CTNNA3: variants seen among roughly 807,000 people sequenced by gnomAD.
The protein encoded by CTNNA3 is catenin alpha-3.
In CTNNA3, 76 loss-of-function variants were observed where a neutral mutation model predicts 95.7. The observed-to-expected ratio is 0.79, with a 90% CI of 0.66 to 0.96. The LOEUF (loss-of-function observed/expected upper bound fraction) is 0.96. Among genes scored for constraint, CTNNA3 ranks in the 40% least tolerant of loss-of-function variants. The pLI is 0.00. For synonymous variants in CTNNA3, 431 were observed against 374.4 expected (o/e 1.15, Z -1.74); for missense variants, 1,191 against 1,089.8 (o/e 1.09, Z -1.31).
chr10:66,104,213 C>T (rs570554794), intron 13 of CTNNA3, among the ~76,000 whole-genome samples: 38 of 152,228 alleles, frequency 2.5e-4, no homozygotes, highest in African/African-American at 8.2e-4. Context: ...CTCAGGAATC[C>T]TCTAGACTGG....
At chr10:67,454,802 T>G in intron 5 of CTNNA3, among the ~76,000 whole-genome samples, 1 of 152,156 alleles carries the variant, frequency 6.6e-6, no homozygotes, top group East Asian at 1.9e-4. Context: ...AGAACTATAC[T>G]CAATTTACAT....
intron 9 of CTNNA3, among the ~76,000 whole-genome samples, chr10:66,698,118 C>T (rs894703314): frequency 1.3e-5 from 2 of 152,166 alleles, no homozygotes; most frequent in Non-Finnish European, 2.9e-5. Flanking sequence ...TGAGAGTTTG[C>T]TTCAAGAACC....
At chr10:67,424,821 C>T (rs112482181) in intron 5 of CTNNA3, among the ~76,000 whole-genome samples, 4,856 of 151,936 alleles carry the variant, frequency 0.032, 248 homozygotes, top group African/African-American at 0.11. Context: ...TCTTTGTTAC[C>T]CAAGCATCAA....
intron 5 of CTNNA3, among the ~76,000 whole-genome samples, chr10:67,325,853 T>C (rs1257101986): frequency 2.0e-5 from 3 of 152,090 alleles, no homozygotes; most frequent in African/African-American, 2.4e-5. Flanking sequence ...CCCTATTATA[T>C]TGTGGGAATG....
chr10:67,403,651 T>C (rs925525593), intron 5 of CTNNA3, among the ~76,000 whole-genome samples: 2 of 152,064 alleles, frequency 1.3e-5, no homozygotes, highest in Non-Finnish European at 2.9e-5. Flanking sequence ...CCTTGGAAAG[T>C]GCAAAACTAT....
At chr10:66,692,251 T>C (rs1847576184) in intron 9 of CTNNA3, among the ~76,000 whole-genome samples, 1 of 151,836 alleles carries the variant, frequency 6.6e-6, no homozygotes, top group African/African-American at 2.4e-5. Flanking sequence ...CAAGAACCAA[T>C]AAAGAGAAGT....
intron 10 of CTNNA3, among the ~76,000 whole-genome samples, chr10:66,552,285 G>T (rs1381811803): frequency 6.6e-6 from 1 of 151,946 alleles, no homozygotes; most frequent in Non-Finnish European, 1.5e-5. Flanking sequence ...TTTCTTTTTG[G>T]TTCTCTAGAC....
At position 65,950,397 on chromosome 10, in the gene CTNNA3, AT is replaced by A. The variant is rs1267263784; in HGVS notation, c.2400+16214del. On this transcript the variant is annotated intron_variant, in intron 17 of 17. Coordinates refer to ENST00000433211, the MANE Select transcript of CTNNA3 (RefSeq NM_013266.4). ...CTATCCTAGAATCTACAGCTACTTG[AT>A]TTTTTTTTTTGTCTTCTCTCCCCTT... Among the ~76,000 whole-genome samples, 884 of 145,414 alleles carry A rather than the reference AT, an allele frequency of 6.1e-3. 17 individuals are homozygous for A. The highest frequency in any genetic ancestry group is 0.042 in the Admixed American group (617 of 14,570).
intron 9 of CTNNA3, among the ~76,000 whole-genome samples, chr10:66,688,847 G>A (rs1259525123): frequency 4.6e-5 from 7 of 151,548 alleles, no homozygotes; most frequent in South Asian, 4.2e-4. Context: ...GGTGGCGGGC[G>A]CCTGTAATCC....
intron 13 of CTNNA3, among the ~76,000 whole-genome samples, chr10:66,176,809 T>C (rs1342268194): frequency 6.6e-6 from 1 of 152,074 alleles, no homozygotes; most frequent in African/African-American, 2.4e-5. Context: ...TAAATTTCTG[T>C]TGTTTATAAG....
chr10:66,290,526 T>A (rs2091663822), intron 12 of CTNNA3, among the ~76,000 whole-genome samples: 1 of 152,110 alleles, frequency 6.6e-6, no homozygotes, highest in African/African-American at 2.4e-5. Context: ...AATAAATGTA[T>A]CATGTATTTA....
At chr10:67,606,752 C>G in intron 3 of CTNNA3, 105 bp downstream of exon 3, 1 of 909,806 alleles carries the variant, frequency 1.1e-6, no homozygotes, top group Non-Finnish European at 1.7e-6. Flanking sequence ...CTGCAAAAGA[C>G]TAAAAAACTG....
At position 67,643,245 on chromosome 10, in the gene CTNNA3, C is replaced by A. The variant is rs189902870; in HGVS notation, c.99+4170G>T. 5.5e-4 allele frequency among the ~76,000 whole-genome samples: 84 copies of A among 152,244 alleles called. No individual in the cohort carries two copies. The East Asian group carries it at 0.015, about 28-fold the overall frequency. ...AACAGAAAACCAAACACCACATGTT[C>A]TCACTTATAAGTGGGAGCTGAAGGA... is the stretch of plus-strand genomic sequence containing the variant. On this transcript the variant is annotated intron_variant, in intron 2 of 17. Coordinates refer to ENST00000433211, the MANE Select transcript of CTNNA3 (RefSeq NM_013266.4).
At chr10:67,589,323 A>T (rs971495543) in intron 3 of CTNNA3, among the ~76,000 whole-genome samples, 5 of 152,164 alleles carry the variant, frequency 3.3e-5, no homozygotes, top group Admixed American at 2.6e-4. Flanking sequence ...CTGGGTGCCC[A>T]GGACATATCT....
At chr10:66,068,365 A>T (rs139003213) in intron 15 of CTNNA3, among the ~76,000 whole-genome samples, 1 of 152,218 alleles carries the variant, frequency 6.6e-6, no homozygotes, top group African/African-American at 2.4e-5. Context: ...CATTCTATTG[A>T]TGTACATTTT....
chr10:67,708,509 C>T (rs1841090230), intron 1 of CTNNA3, among the ~76,000 whole-genome samples: 1 of 152,094 alleles, frequency 6.6e-6, no homozygotes, highest in African/African-American at 2.4e-5. Context: ...GTCATTGAAC[C>T]TTCTTATTTC....
In CTNNA3 at chr10:65,920,486, T is replaced by C. The variant is rs2133106045; in HGVS notation, c.2532A>G (p.Pro844=). ...GAGCCTTCATTCTCCACATCACAACTGGGTGCCGGGGCCCAGCAGGACTCT... is the reference window on the plus strand; with the variant it reads ...GAGCCTTCATTCTCCACATCACAACCGGGTGCCGGGGCCCAGCAGGACTCT... ...RIQSPAGPRH[P]VVMWRMKAPA... is the part of the protein sequence containing the mutation. The change falls in exon 18 of 18, where the codon CCA becomes CCG. Residue 844 remains proline (P), a synonymous_variant. Coordinates refer to ENST00000433211, the MANE Select transcript of CTNNA3 (RefSeq NM_013266.4). The C allele has an allele frequency of 6.2e-7, 1 of 1,614,140 alleles. No individual in the cohort carries two copies. The highest frequency in any genetic ancestry group is 8.5e-7 in the Non-Finnish European group (1 of 1,180,026).
intron 12 of CTNNA3, among the ~76,000 whole-genome samples, chr10:66,284,102 TTTTGG>T (rs1412069067): frequency 6.6e-6 from 1 of 151,796 alleles, no homozygotes; most frequent in Admixed American, 6.6e-5. Context: ...AAAGGCGGCC[TTTTGG>T]TCAACACCCC....
rs114442674 is a variant in CTNNA3 at position 66,709,800 on chromosome 10, G to A, written c.1281+56464C>T. 4.7e-3 allele frequency among the ~76,000 whole-genome samples: 719 copies of A among 152,190 alleles called. 5 individuals are homozygous for A. The highest frequency in any genetic ancestry group is 0.016 in the African/African-American group (678 of 41,550). On this transcript the variant is annotated intron_variant, in intron 9 of 17. Transcript: ENST00000433211. ...AAACATGAAGTACATATTAAGAGGT[G>A]TGAATATGTACAATACCAACAAACA...
Sources: gnomAD v4.1 joint callset for allele counts (sites outside exome capture counted in the v4.1 genomes callset) on GRCh38, gnomAD v4.1.1 for gene constraint, MANE v1.5 for transcripts, NCBI Gene and HGNC (gene_info 2026-07-23, HGNC 2026-07-21) for gene names.